The following NPSR1 variants were observed in gnomAD, a reference collection of about 807,000 sequenced individuals.
NPSR1 encodes the protein neuropeptide S receptor.
A neutral mutation model predicts 46.9 loss-of-function variants in NPSR1; 48 were observed. That is an observed-to-expected ratio of 1.02 (90% CI 0.81 to 1.30). The LOEUF is 1.30. NPSR1 is among the 50% of genes most tolerant of loss of function. The pLI, the probability that NPSR1 is intolerant of heterozygous loss-of-function variation, is 0.00. For synonymous variants in NPSR1, 176 were observed against 168.1 expected, an observed-to-expected ratio of 1.05 and a Z score of -0.36; for missense variants, 450 against 449.5, an observed-to-expected ratio of 1.00 and a Z score of -0.01.
At chr7:34,878,281 C>T in exon 9 of NPSR1, 1 of 644,318 alleles carries the variant, frequency 1.6e-6, no homozygotes, top group African/African-American at 1.8e-5. Context: ...AAATGGGTCA[C>T]AGCAGGATGG....
At chr7:34,847,561 G>A (rs566883864) in intron 7 of NPSR1, among the ~76,000 whole-genome samples, 4 of 152,262 alleles carry the variant, frequency 2.6e-5, no homozygotes, top group African/African-American at 9.6e-5. Context: ...CAGGAGAATG[G>A]ATGGGGTACA....
intron 1 of NPSR1, among the ~76,000 whole-genome samples, chr7:34,663,071 G>GTGTGTGTGTGTGTGTGTTTT (rs1791547343): frequency 2.2e-5 from 1 of 45,802 alleles, no homozygotes; most frequent in African/African-American, 1.7e-4. Context: ...CTCTCTCTGT[G>GTGTGTGTGTGTGTGTGTTTT]TGTGTGTGTG....
intron 2 of NPSR1, among the ~76,000 whole-genome samples, chr7:34,716,984 T>C (rs324374): frequency 0.48 from 73,413 of 152,012 alleles, 18,595 homozygotes; most frequent in African/African-American, 0.63. Context: ...CAGTGCCTGC[T>C]TTGGAATGCT....
intron 4 of NPSR1, among the ~76,000 whole-genome samples, chr7:34,815,942 G>A (rs899875270): frequency 2.0e-5 from 3 of 152,182 alleles, no homozygotes; most frequent in Non-Finnish European, 4.4e-5. Context: ...GGAACAACCA[G>A]TACCAGCCAC....
chr7:34,749,715 T>C (rs1012948718), intron 2 of NPSR1, among the ~76,000 whole-genome samples: 3 of 152,230 alleles, frequency 2.0e-5, no homozygotes, highest in Non-Finnish European at 2.9e-5. Context: ...GCCCTGATTA[T>C]TGTAATAACT....
chr7:34,871,971 A>T (rs1479013782), intron 8 of NPSR1, among the ~76,000 whole-genome samples: 1 of 151,798 alleles, frequency 6.6e-6, no homozygotes, highest in Non-Finnish European at 1.5e-5. Flanking sequence ...TCCACTAGGC[A>T]GTGTCCCAGT....
At position 34,832,506 on chromosome 7, in the gene NPSR1, C is replaced by G. The variant is rs117311523; in HGVS notation, c.681-1878C>G. 7.4e-3 allele frequency among the ~76,000 whole-genome samples: 1,131 copies of G among 152,144 alleles called. 5 individuals carry two copies. The highest frequency in any genetic ancestry group is 0.021 in the Middle Eastern group (6 of 292). Reference sequence around the variant, plus strand: ...TCCAGCCTGGGTGAGAGAGCAAAACCCTGTGTCCAAAAAAAAATGGGGACA... The same window carrying G: ...TCCAGCCTGGGTGAGAGAGCAAAACGCTGTGTCCAAAAAAAAATGGGGACA... On this transcript the variant is annotated intron_variant, in intron 5 of 8. Transcript: ENST00000360581.
intron 8 of NPSR1, among the ~76,000 whole-genome samples, chr7:34,855,230 G>T (rs1263587837): frequency 2.0e-5 from 3 of 151,890 alleles, no homozygotes; most frequent in Admixed American, 2.0e-4. Flanking sequence ...CTCAAGGGAA[G>T]TAGAAAGAAT....
intron 2 of NPSR1, among the ~76,000 whole-genome samples, chr7:34,702,302 C>A (rs991891920): frequency 6.6e-6 from 1 of 152,188 alleles, no homozygotes; most frequent in Admixed American, 6.5e-5. Context: ...TTTTTCCTTG[C>A]ATCTCAATGG....
chr7:34,680,339 A>T (rs548730177), intron 1 of NPSR1, among the ~76,000 whole-genome samples: 22 of 152,342 alleles, frequency 1.4e-4, no homozygotes, highest in Admixed American at 1.3e-4. Context: ...TTTTATATAA[A>T]CCAACATTAC....
intron 2 of NPSR1, chr7:34,768,369 A>G (rs1380379158): frequency 6.6e-6 from 1 of 152,186 alleles, no homozygotes; most frequent in African/African-American, 2.4e-5. Flanking sequence ...AAGAAACATT[A>G]AAGAAAGTTC....
At chr7:34,825,444 A>G (rs1789778988) in intron 4 of NPSR1, among the ~76,000 whole-genome samples, 1 of 152,208 alleles carries the variant, frequency 6.6e-6, no homozygotes, top group Non-Finnish European at 1.5e-5. Flanking sequence ...AGCATTGTGG[A>G]CCAATGACTA....
chr7:34,820,539 T>C (rs1037376323), intron 4 of NPSR1, among the ~76,000 whole-genome samples: 2 of 152,126 alleles, frequency 1.3e-5, no homozygotes, highest in African/African-American at 4.8e-5. Flanking sequence ...GTAAAATATT[T>C]GTAGAGATTT....
At chr7:34,746,697 A>G (rs1785221058) in intron 2 of NPSR1, among the ~76,000 whole-genome samples, 2 of 152,232 alleles carry the variant, frequency 1.3e-5, no homozygotes, top group Non-Finnish European at 2.9e-5. Flanking sequence ...TTAGGAAATG[A>G]GAAAAACAAA....
intron 3 of NPSR1, among the ~76,000 whole-genome samples, chr7:34,797,111 A>G (rs1248437185): frequency 6.6e-6 from 1 of 152,210 alleles, no homozygotes; most frequent in African/African-American, 2.4e-5. Context: ...CATACTGTAG[A>G]TTCCAACTTT....
chr7:34,663,041 T>TTCTCTCTCTCGCTC (rs1554301910), intron 1 of NPSR1, among the ~76,000 whole-genome samples: 1 of 108,286 alleles, frequency 9.2e-6, no homozygotes, highest in Non-Finnish European at 1.8e-5. Context: ...TGTAGTGCAT[T>TTCTCTCTCTCGCTC]TCTCTCTCTC....
intron 8 of NPSR1, among the ~76,000 whole-genome samples, chr7:34,875,071 C>T (rs1791543765): frequency 1.3e-5 from 2 of 152,184 alleles, no homozygotes; most frequent in Non-Finnish European, 2.9e-5. Flanking sequence ...ATATTCTATT[C>T]TCGTCCCTAT....
At chr7:34,841,052 A>G (rs1790545919) in intron 6 of NPSR1, among the ~76,000 whole-genome samples, 2 of 152,236 alleles carry the variant, frequency 1.3e-5, no homozygotes, top group African/African-American at 4.8e-5. Flanking sequence ...GAATTTTAGA[A>G]ATCAGGAAAA....
intron 1 of NPSR1, among the ~76,000 whole-genome samples, chr7:34,668,080 C>A (rs1042127714): frequency 6.6e-6 from 1 of 152,050 alleles, no homozygotes; most frequent in Non-Finnish European, 1.5e-5. Context: ...CTTAAAGAAG[C>A]CAAAACTCTT....
Sources: gnomAD v4.1 joint callset for allele counts (sites outside exome capture counted in the v4.1 genomes callset) on GRCh38, gnomAD v4.1.1 for gene constraint, MANE v1.5 for transcripts, NCBI Gene and HGNC (gene_info 2026-07-23, HGNC 2026-07-21) for gene names.